Variants in GRID2 observed in about 807,000 individuals in gnomAD.
GRID2 encodes the protein glutamate ionotropic receptor delta type subunit 2.
In GRID2, 33 loss-of-function variants were observed where a neutral mutation model predicts 114.8. That is an observed-to-expected ratio of 0.29 (90% CI 0.22 to 0.38). The LOEUF is 0.38. Among genes scored for constraint, GRID2 ranks in the 10% least tolerant of loss-of-function variants. The probability of loss-of-function intolerance (pLI) is 1.00; values close to 1 mark genes in which losing one functional copy is unlikely to be tolerated. For missense variants in GRID2, 1,184 were observed against 1,257.7 expected (o/e 0.94, Z 0.89); for synonymous variants, 505 against 449.9 (o/e 1.12, Z -1.55).
intron 13 of GRID2, among the ~76,000 whole-genome samples, chr4:93,560,844 A>G (rs939568314): frequency 1.3e-5 from 2 of 151,914 alleles, no homozygotes; most frequent in Admixed American, 6.6e-5. Flanking sequence ...TTTTCTTTAG[A>G]TATTTTACCC....
chr4:93,530,438 G>T (rs1310810363), intron 13 of GRID2, among the ~76,000 whole-genome samples: 1 of 152,084 alleles, frequency 6.6e-6, no homozygotes, highest in East Asian at 1.9e-4. Flanking sequence ...AAACCAAGTT[G>T]CTGGCTTTGT....
At chr4:93,596,990 T>C (rs1323502172) in intron 13 of GRID2, among the ~76,000 whole-genome samples, 3 of 152,222 alleles carry the variant, frequency 2.0e-5, no homozygotes, top group Non-Finnish European at 4.4e-5. Context: ...TGATAAGAAA[T>C]ATATTGCTCA....
At chr4:92,998,588 A>G (rs1297048374) in intron 2 of GRID2, among the ~76,000 whole-genome samples, 2 of 151,986 alleles carry the variant, frequency 1.3e-5, no homozygotes, top group Non-Finnish European at 2.9e-5. Flanking sequence ...GTTTATAGCA[A>G]ATATATTCAG....
At chr4:93,287,668 A>T (rs972231482) in intron 8 of GRID2, among the ~76,000 whole-genome samples, 2 of 152,208 alleles carry the variant, frequency 1.3e-5, no homozygotes, top group African/African-American at 4.8e-5. Context: ...ATATTTTCCT[A>T]ATCTATAAAC....
At chr4:92,807,494 C>A (rs1000305578) in intron 2 of GRID2, among the ~76,000 whole-genome samples, 3 of 151,876 alleles carry the variant, frequency 2.0e-5, no homozygotes, top group East Asian at 3.9e-4. Context: ...GCAGTGAATA[C>A]AAGGAGTTGT....
chr4:93,520,536 T>G (rs925357498), intron 13 of GRID2, among the ~76,000 whole-genome samples: 10 of 152,004 alleles, frequency 6.6e-5, no homozygotes, highest in African/African-American at 2.4e-4. Flanking sequence ...AGGCAGAAGC[T>G]AGCTTGGCAT....
chr4:93,701,309 G>A (rs1197692273), intron 14 of GRID2, among the ~76,000 whole-genome samples: 2 of 152,126 alleles, frequency 1.3e-5, no homozygotes, highest in African/African-American at 4.8e-5. Context: ...CTATCTGGAG[G>A]AGATTTAAAA....
intron 1 of GRID2, among the ~76,000 whole-genome samples, chr4:92,564,690 A>G (rs1727253378): frequency 6.6e-6 from 1 of 152,024 alleles, no homozygotes; most frequent in African/African-American, 2.4e-5. Context: ...AGAATCTTAA[A>G]CATTCCTAAG....
chr4:92,866,732 T>A (rs552556644), intron 2 of GRID2, among the ~76,000 whole-genome samples: 54 of 152,058 alleles, frequency 3.6e-4, no homozygotes, highest in African/African-American at 4.1e-4. Context: ...TTTGTACTTT[T>A]TAATAGAGAC....
chr4:92,495,207 C>A (rs766724636), intron 1 of GRID2, among the ~76,000 whole-genome samples: 1 of 151,918 alleles, frequency 6.6e-6, no homozygotes, highest in African/African-American at 2.4e-5. Context: ...ATAAAATTAT[C>A]TGGAATACAT....
Position 93,423,407 on chromosome 4 carries a change from G to C in GRID2, c.1545+439G>C, listed in dbSNP as rs868501554. 3.5e-4 allele frequency among the ~76,000 whole-genome samples: 47 copies of C among 132,766 alleles called. 1 individual carries two copies. The highest frequency in any genetic ancestry group is 1.3e-3 in the African/African-American group (44 of 33,202). The allele number at this position is 132,766 out of a possible 152,430, so 87.1% of individuals were successfully genotyped here. A position where few individuals can be genotyped will look rare whatever the true frequency, so the allele number is the denominator to read the frequency against. On this transcript the variant is annotated intron_variant, in intron 10 of 15. Transcript: ENST00000282020. ...CTGTCCTCCAGGCTGGAGTGCAGTGGCTGGATCTCGGCTCACTGCAAGCTC... is the reference window on the plus strand; with the variant it reads ...CTGTCCTCCAGGCTGGAGTGCAGTGCCTGGATCTCGGCTCACTGCAAGCTC...
intron 13 of GRID2, among the ~76,000 whole-genome samples, chr4:93,595,009 A>G (rs568287624): frequency 4.6e-5 from 7 of 152,098 alleles, no homozygotes; most frequent in African/African-American, 1.7e-4. Context: ...GAAATCACCC[A>G]TCTTCTGCAT....
intron 13 of GRID2, among the ~76,000 whole-genome samples, chr4:93,564,542 A>G (rs1391053483): frequency 2.6e-5 from 4 of 152,054 alleles, no homozygotes; most frequent in Non-Finnish European, 5.9e-5. Context: ...TAACATGTTG[A>G]CAGCACACAA....
At position 92,954,532 on chromosome 4, in the gene GRID2, T is replaced by C. The variant is rs576382582; in HGVS notation, c.245-130463T>C. Among the ~76,000 whole-genome samples, 7 of 152,010 alleles carry C rather than the reference T, an allele frequency of 4.6e-5. No homozygotes were observed. The East Asian group carries it at 1.4e-3, about 29-fold the overall frequency. On this transcript the variant is annotated intron_variant, in intron 2 of 15. Coordinates refer to ENST00000282020, the MANE Select transcript of GRID2 (RefSeq NM_001510.4). ...AGCTCCACCTCCCAGGTTCGCGCCA[T>C]TCTCCTGCCTCAGCCTCCCAAGTAG... is the stretch of plus-strand genomic sequence containing the variant.
chr4:93,606,832 C>T (rs17356280), intron 13 of GRID2, among the ~76,000 whole-genome samples: 28,317 of 152,032 alleles, frequency 0.19, 3,142 homozygotes, highest in Middle Eastern at 0.32. Context: ...TCATAGGACT[C>T]AAAAGCTAAC....
intron 2 of GRID2, among the ~76,000 whole-genome samples, chr4:92,603,928 C>T (rs1269900447): frequency 6.6e-6 from 1 of 151,860 alleles, no homozygotes; most frequent in Non-Finnish European, 1.5e-5. Context: ...TGGCCAAAAA[C>T]ATGAAAAAAA....
intron 2 of GRID2, among the ~76,000 whole-genome samples, chr4:92,655,191 A>G (rs1198624845): frequency 6.6e-6 from 1 of 151,858 alleles, no homozygotes; most frequent in Non-Finnish European, 1.5e-5. Context: ...GTCAAAGACG[A>G]GTTGGCGTAA....
intron 14 of GRID2, among the ~76,000 whole-genome samples, chr4:93,757,323 C>G (rs142296363): frequency 1.4e-3 from 209 of 152,334 alleles, no homozygotes; most frequent in African/African-American, 4.8e-3. Flanking sequence ...CATATTCATG[C>G]TCAGTCTCAG....
chr4:93,239,498 T>C (rs1747235319), intron 8 of GRID2, among the ~76,000 whole-genome samples: 1 of 151,442 alleles, frequency 6.6e-6, no homozygotes, highest in African/African-American at 2.4e-5. Flanking sequence ...TGCTGAGATG[T>C]AAGATGCAAA....
Sources: allele counts gnomAD v4.1 joint callset (sites outside exome capture counted in the v4.1 genomes callset), GRCh38; gene constraint gnomAD v4.1.1; transcripts MANE v1.5; gene names NCBI Gene and HGNC (gene_info 2026-07-23, HGNC 2026-07-21).